Variants in VDAC1 observed in about 807,000 individuals in gnomAD.
VDAC1 encodes non-selective voltage-gated ion channel VDAC1.
Under a neutral mutation model 34.7 loss-of-function variants are expected in VDAC1, and 10 were observed. The observed-to-expected ratio is 0.29, with a 90% CI of 0.18 to 0.49. VDAC1 has a LOEUF of 0.49. Among genes scored for constraint, VDAC1 ranks in the 20% least tolerant of loss-of-function variants. The pLI is 0.99. For synonymous variants in VDAC1, 130 were observed against 136.0 expected (o/e 0.96, Z 0.30); for missense variants, 230 against 347.9 (o/e 0.66, Z 2.69).
chr5:134,052,931 T>C, the VDAC1 span, among the ~76,000 whole-genome samples: 1 of 151,962 alleles, frequency 6.6e-6, no homozygotes, highest in African/African-American at 2.4e-5. Flanking sequence ...GCCTGACCAA[T>C]ATGGTGAAAC....
At chr5:133,975,326 A>G (rs937222031) in intron 7 of VDAC1, among the ~76,000 whole-genome samples, 3 of 152,256 alleles carry the variant, frequency 2.0e-5, no homozygotes, top group Middle Eastern at 3.4e-3. Context: ...GGGATTAAAC[A>G]CAGTAATCTA....
chr5:134,024,664 G>A, the VDAC1 span, among the ~76,000 whole-genome samples: 1 of 151,948 alleles, frequency 6.6e-6, no homozygotes, highest in Non-Finnish European at 1.5e-5. Context: ...TTTAAGAGCT[G>A]GAGTCTACTC....
At chr5:134,075,828 G>A in the VDAC1 span, among the ~76,000 whole-genome samples, 25 of 151,654 alleles carry the variant, frequency 1.6e-4, no homozygotes, top group Non-Finnish European at 2.4e-4. Context: ...CTGGTGATTC[G>A]CCCGCCTCAG....
chr5:134,067,687 G>GGAGGGAGAGGGA, the VDAC1 span, among the ~76,000 whole-genome samples: 1,094 of 147,182 alleles, frequency 7.4e-3, 25 homozygotes, highest in African/African-American at 0.026. Flanking sequence ...GAGGAGAGGG[G>GGAGGGAGAGGGA]GAGGGAGAGG....
chr5:133,984,564 C>T (rs67378718), intron 5 of VDAC1, among the ~76,000 whole-genome samples: 9 of 151,154 alleles, frequency 6.0e-5, no homozygotes, highest in African/African-American at 1.2e-4. Context: ...GGATTACAGG[C>T]GTGAGCCACC....
chr5:134,029,960 C>T, the VDAC1 span, among the ~76,000 whole-genome samples: 1 of 152,142 alleles, frequency 6.6e-6, no homozygotes, highest in Non-Finnish European at 1.5e-5. Context: ...TAAAATGTAA[C>T]CCCTTGGGAA....
At chr5:134,056,253 A>C in the VDAC1 span, among the ~76,000 whole-genome samples, 10 of 151,998 alleles carry the variant, frequency 6.6e-5, no homozygotes, top group African/African-American at 2.4e-4. Context: ...AAAAAAAAAA[A>C]AAAAAAAAAA....
At chr5:134,074,866 C>T in the VDAC1 span, among the ~76,000 whole-genome samples, 77,815 of 151,782 alleles carry the variant, frequency 0.51, 20,214 homozygotes, top group Middle Eastern at 0.56. Context: ...ACATCCACCA[C>T]CAAAGGCTCC....
At chr5:133,993,182 T>C (rs1382740143) in intron 1 of VDAC1, among the ~76,000 whole-genome samples, 164 bp from the exon 2 acceptor site, 1 of 152,264 alleles carries the variant, frequency 6.6e-6, no homozygotes, top group Non-Finnish European at 1.5e-5. Flanking sequence ...CTTGCTGTCT[T>C]GTCCTTCATT....
the VDAC1 span, among the ~76,000 whole-genome samples, chr5:134,078,839 T>C: frequency 6.6e-6 from 1 of 151,754 alleles, no homozygotes; most frequent in South Asian, 2.1e-4. Flanking sequence ...TTAGTAGAGA[T>C]GGGGTTTCAC....
At chr5:134,114,261 C>T in the VDAC1 span, among the ~76,000 whole-genome samples, 3 of 152,182 alleles carry the variant, frequency 2.0e-5, no homozygotes, top group Non-Finnish European at 2.9e-5. Context: ...CGAGCACAGC[C>T]TCAAGCAGCC....
chr5:134,038,865 A>G, the VDAC1 span, among the ~76,000 whole-genome samples: 4 of 149,114 alleles, frequency 2.7e-5, no homozygotes, highest in Admixed American at 2.7e-4. Context: ...TGACTTTTAA[A>G]TGTTATCATT....
the VDAC1 span, among the ~76,000 whole-genome samples, chr5:134,114,377 G>A: frequency 6.6e-6 from 1 of 152,260 alleles, no homozygotes; most frequent in African/African-American, 2.4e-5. Context: ...AAGTCCCAAG[G>A]GCCTAGGGGA....
At chr5:133,989,652 A>C (rs2126965253) in intron 5 of VDAC1, among the ~76,000 whole-genome samples, 1 of 146,588 alleles carries the variant, frequency 6.8e-6, no homozygotes, top group South Asian at 2.3e-4. Flanking sequence ...GAGTCACTGC[A>C]TCCGACTCTT....
chr5:134,045,488 C>T, the VDAC1 span, among the ~76,000 whole-genome samples: 1 of 152,152 alleles, frequency 6.6e-6, no homozygotes, highest in Non-Finnish European at 1.5e-5. Flanking sequence ...CAGGAGCTAC[C>T]TACGTTCCTT....
At chr5:134,074,458 G>A in the VDAC1 span, among the ~76,000 whole-genome samples, 3 of 152,140 alleles carry the variant, frequency 2.0e-5, no homozygotes, top group Non-Finnish European at 4.4e-5. Flanking sequence ...CAGAGCCTGG[G>A]TGGGAGTTGG....
At chr5:133,994,050 C>A (rs1444496002) in intron 1 of VDAC1, among the ~76,000 whole-genome samples, 1 of 152,126 alleles carries the variant, frequency 6.6e-6, no homozygotes, top group East Asian at 1.9e-4. Flanking sequence ...ATACAGTATA[C>A]CTAAATTATC....
the VDAC1 span, among the ~76,000 whole-genome samples, chr5:134,027,813 C>T: frequency 1.3e-5 from 2 of 149,754 alleles, no homozygotes; most frequent in East Asian, 2.0e-4. Flanking sequence ...TCTTGTCACC[C>T]GGGCTGGAGT....
At chr5:134,110,168 T>A in the VDAC1 span, among the ~76,000 whole-genome samples, 1 of 152,216 alleles carries the variant, frequency 6.6e-6, no homozygotes, top group Non-Finnish European at 1.5e-5. Flanking sequence ...GCTCTTCTCA[T>A]AATTTGCCCA....
Sources: allele counts gnomAD v4.1 joint callset (sites outside exome capture counted in the v4.1 genomes callset), GRCh38; gene constraint gnomAD v4.1.1; transcripts MANE v1.5; gene names NCBI Gene and HGNC (gene_info 2026-07-23, HGNC 2026-07-21).